LRRC7: variants seen among roughly 807,000 people sequenced by gnomAD.
The protein encoded by LRRC7 is leucine rich repeat containing 7, also known as leucine-rich repeat-containing protein 7.
LRRC7 carries 23 observed loss-of-function variants against 175.7 expected under a neutral mutation model. The ratio of observed to expected loss-of-function variants is 0.13; its 90% CI spans 0.09 to 0.19. LRRC7 has a LOEUF of 0.19. Among genes scored for constraint, LRRC7 ranks in the 10% least tolerant of loss-of-function variants. The pLI is 1.00. For missense variants in LRRC7, 1,354 were observed against 1,904.7 expected, an observed-to-expected ratio of 0.71 and a Z score of 5.38; for synonymous variants, 685 against 680.9, an observed-to-expected ratio of 1.01 and a Z score of -0.09.
At chr1:69,726,862 G>A (rs554135080) in intron 2 of LRRC7, among the ~76,000 whole-genome samples, 285 of 152,234 alleles carry the variant, frequency 1.9e-3, no homozygotes, top group Non-Finnish European at 3.2e-3. Flanking sequence ...AGAATCTGGT[G>A]GTTAAGATAT....
intron 9 of LRRC7, among the ~76,000 whole-genome samples, chr1:69,983,565 G>A (rs1218645814): frequency 6.6e-6 from 1 of 152,082 alleles, no homozygotes; most frequent in Non-Finnish European, 1.5e-5. Context: ...CTTCATCCAC[G>A]GTCATAACCC....
chr1:69,819,507 C>T (rs958623840), intron 4 of LRRC7, among the ~76,000 whole-genome samples: 2 of 148,442 alleles, frequency 1.3e-5, no homozygotes, highest in Non-Finnish European at 3.0e-5. Context: ...CAGAATATTT[C>T]ATGTGTGCTT....
intron 26 of LRRC7, among the ~76,000 whole-genome samples, chr1:70,108,388 C>T (rs984381030): frequency 2.6e-5 from 4 of 152,044 alleles, no homozygotes; most frequent in African/African-American, 7.2e-5. Flanking sequence ...AAAGGTTCAC[C>T]CCAATAAACA....
intron 23 of LRRC7, among the ~76,000 whole-genome samples, chr1:70,063,323 A>G (rs975654501): frequency 2.0e-5 from 3 of 152,138 alleles, no homozygotes; most frequent in Admixed American, 2.0e-4. Flanking sequence ...ATAACTCAAT[A>G]GCATTTATAT....
At position 69,809,766 on chromosome 1, in the gene LRRC7, A is replaced by G. The variant is rs1367558867; in HGVS notation, c.422-15982A>G. Among the ~76,000 whole-genome samples the G allele has an allele frequency of 2.0e-5, 3 of 152,156 alleles. No homozygotes were observed. The East Asian group carries it at 5.8e-4, about 29-fold the overall frequency. ...CTCTCAATAAACTAGCTATTGATGG[A>G]ATGTATCTCAATGTAATAAGAGCTA... On this transcript the variant is annotated intron_variant, in intron 4 of 26. Transcript: ENST00000651989.
intron 8 of LRRC7, among the ~76,000 whole-genome samples, chr1:69,939,019 A>G (rs558405853): frequency 1.8e-5 from 2 of 110,768 alleles, no homozygotes; most frequent in African/African-American, 3.3e-5. Context: ...ATATATCTAT[A>G]TATATATATA....
chr1:69,854,691 G>A (rs1351532941), intron 7 of LRRC7, among the ~76,000 whole-genome samples: 1 of 152,034 alleles, frequency 6.6e-6, no homozygotes, highest in African/African-American at 2.4e-5. Flanking sequence ...ATTCCTTTGG[G>A]GGAAAAACAG....
chr1:69,683,601 G>A (rs192318943), intron 2 of LRRC7, among the ~76,000 whole-genome samples: 1 of 152,216 alleles, frequency 6.6e-6, no homozygotes, highest in East Asian at 1.9e-4. Flanking sequence ...GAACTAGAGG[G>A]AAGAAGTTAA....
At position 70,107,802 on chromosome 1, in the gene LRRC7, G is replaced by A. The variant is rs1343752769; in HGVS notation, c.4596G>A (p.Leu1532=). ...VQPDGPASNL[L]QPGDKILQAN... ...CTGATGGGCCAGCATCAAACCTACTGCAGCCTGGTGATAAGATCCTTCAGG... is the reference window on the plus strand; with the variant it reads ...CTGATGGGCCAGCATCAAACCTACTACAGCCTGGTGATAAGATCCTTCAGG... Residue 1532 remains leucine, a synonymous_variant, in exon 26 of 27, where the codon CTG becomes CTA. Transcript: ENST00000651989. 6.2e-7 allele frequency: 1 copy of A among 1,612,838 alleles called. No individual in the cohort carries two copies. The highest frequency in any genetic ancestry group is 8.5e-7 in the Non-Finnish European group (1 of 1,179,226).
At chr1:69,764,218 G>C (rs1671349827) in intron 3 of LRRC7, among the ~76,000 whole-genome samples, 1 of 151,856 alleles carries the variant, frequency 6.6e-6, no homozygotes, top group Non-Finnish European at 1.5e-5. Flanking sequence ...TGTTTTGCTT[G>C]TTATTTTGAA....
chr1:69,849,134 G>A (rs537301475), intron 7 of LRRC7, among the ~76,000 whole-genome samples: 3 of 151,998 alleles, frequency 2.0e-5, no homozygotes, highest in Middle Eastern at 3.5e-3. Flanking sequence ...TAAAATAAAT[G>A]CACTATAATT....
intron 4 of LRRC7, among the ~76,000 whole-genome samples, chr1:69,796,408 ATCT>A (rs1488328123): frequency 6.6e-6 from 1 of 151,768 alleles, no homozygotes; most frequent in Non-Finnish European, 1.5e-5. Flanking sequence ...GAATCATATT[ATCT>A]TCTTATCTTC....
chr1:69,998,546 C>T (rs544020625), intron 11 of LRRC7, among the ~76,000 whole-genome samples: 8 of 152,108 alleles, frequency 5.3e-5, no homozygotes, highest in East Asian at 3.9e-4. Context: ...TTTATCAGCC[C>T]GATGCTTTTT....
intron 24 of LRRC7, among the ~76,000 whole-genome samples, chr1:70,076,875 C>A (rs1430190363): frequency 1.3e-5 from 2 of 152,194 alleles, no homozygotes; most frequent in East Asian, 3.8e-4. Flanking sequence ...TCAAACCTAT[C>A]TAAAATTAGG....
chr1:69,729,740 G>T (rs1276237161), intron 2 of LRRC7, among the ~76,000 whole-genome samples: 5 of 152,104 alleles, frequency 3.3e-5, no homozygotes, highest in African/African-American at 1.2e-4. Context: ...CTACTGTTCT[G>T]GGGTCTGGAG....
chr1:69,705,827 T>C (rs970389089), intron 2 of LRRC7, among the ~76,000 whole-genome samples: 9 of 152,130 alleles, frequency 5.9e-5, no homozygotes, highest in African/African-American at 2.2e-4. Context: ...CAGAATGACC[T>C]CTAATTTGTA....
At position 70,059,474 on chromosome 1, in the gene LRRC7, AGTGTGTGTGTGTGTGTGTGT is replaced by A. The variant is rs10542055; in HGVS notation, c.4230+6353_4230+6372del. Reference sequence around the variant, plus strand: ...TTATCAGAAGAAGAAACTAGAAGAAAGTGTGTGTGTGTGTGTGTGTGTGTGTGTGTGTGTGTGTGTGTGGT... The same window carrying A: ...TTATCAGAAGAAGAAACTAGAAGAAAGTGTGTGTGTGTGTGTGTGTGTGGT... On this transcript the variant is annotated intron_variant, in intron 23 of 26. Transcript: ENST00000651989. Among the ~76,000 whole-genome samples the A allele has an allele frequency of 3.0e-5, 4 of 132,192 alleles. No individual in the cohort carries two copies. The East Asian group carries it at 6.7e-4, about 22-fold the overall frequency. 86.7% of individuals were successfully genotyped at this position (132,192 alleles called of 152,430 possible). A position where few individuals can be genotyped will look rare whatever the true frequency, so the allele number is the denominator to read the frequency against.
chr1:70,099,614 C>CA (rs1299993483), intron 25 of LRRC7, among the ~76,000 whole-genome samples: 1 of 152,084 alleles, frequency 6.6e-6, no homozygotes, highest in East Asian at 1.9e-4. Context: ...CAGATAGTGT[C>CA]AAAAAATTAT....
At chr1:69,994,988 C>A (rs1167900824) in intron 11 of LRRC7, among the ~76,000 whole-genome samples, 2 of 152,024 alleles carry the variant, frequency 1.3e-5, no homozygotes, top group Non-Finnish European at 2.9e-5. Flanking sequence ...CTGTTTCTTG[C>A]AAAATTAAAC....
Sources: allele counts gnomAD v4.1 joint callset (sites outside exome capture counted in the v4.1 genomes callset), GRCh38; gene constraint gnomAD v4.1.1; transcripts MANE v1.5; gene names NCBI Gene and HGNC (gene_info 2026-07-23, HGNC 2026-07-21).